NFE2L3: variants seen among roughly 807,000 people sequenced by gnomAD.
NFE2L3 encodes NFE2 like bZIP transcription factor 3, also known as nuclear factor erythroid 2-related factor 3.
In NFE2L3, 18 loss-of-function variants were observed where a neutral mutation model predicts 23.5. The observed-to-expected ratio is 0.77, with a 90% CI of 0.53 to 1.13. The LOEUF (loss-of-function observed/expected upper bound fraction) is 1.13, where lower values mean the gene tolerates loss of function less well. Among genes scored for constraint, NFE2L3 ranks in the 50% most tolerant of loss-of-function variants. NFE2L3 has a pLI of 0.00. For synonymous variants in NFE2L3, 424 were observed against 354.5 expected, an observed-to-expected ratio of 1.20 and a Z score of -2.20; for missense variants, 1,152 against 877.2, an observed-to-expected ratio of 1.31 and a Z score of -3.96.
At position 26,184,642 on chromosome 7, in the gene NFE2L3, T is replaced by C. The variant is rs912776920; in HGVS notation, c.944T>C (p.Leu315Pro). 1.2e-6 allele frequency: 2 copies of C among 1,613,938 alleles called. No individual in the cohort carries two copies. The highest frequency in any genetic ancestry group is 2.2e-5 in the East Asian group (1 of 44,866). ...FSQAISQDVN[L>P]HEAILLCPNN... ...CAGGCTATAAGTCAGGATGTGAATC[T>C]TCATGAGGCCATCTTGCTTTGTCCC... is the stretch of plus-strand genomic sequence containing the variant. The change falls in exon 4 of 4, where the codon CTT becomes CCT. Residue 315 changes from leucine (L) to proline (P), a missense_variant. Physicochemically the swap from Leu to Pro is moderately conservative, Grantham distance 98 (BLOSUM62 -3). Transcript: ENST00000056233.
In NFE2L3 at chr7:26,186,596, A is replaced by G. The variant is rs565234582; in HGVS notation, c.*813A>G. On this transcript the variant is annotated 3_prime_UTR_variant, in exon 4 of 4. Coordinates refer to ENST00000056233, the MANE Select transcript of NFE2L3 (RefSeq NM_004289.7). ...GAGACAGAATGGGCTACTTGCAAAA[A>G]CGTAACTCCTTGTGTGTATATTAAA... 1 of 152,314 alleles carries G rather than the reference A, an allele frequency of 6.6e-6. No homozygotes were observed. Among genetic ancestry groups the G allele is most frequent in the East Asian group, 1.9e-4 (1 of 5,188 alleles). The allele number at this position is 152,314 out of a possible 1,614,324, so 9.4% of individuals were successfully genotyped here.
At chr7:26,175,433 C>T (rs1784386634) in intron 1 of NFE2L3, among the ~76,000 whole-genome samples, 1 of 152,170 alleles carries the variant, frequency 6.6e-6, no homozygotes, top group Admixed American at 6.5e-5. Flanking sequence ...GAAGTAAACT[C>T]TTTCCCACCC....
In NFE2L3 at chr7:26,177,844, T is replaced by TTAGC. The variant is rs1178022502; in HGVS notation, c.571-97_571-94dup. ...ATACTGAAATATTGAAATGCCGGTCTTAGCTTTTGACTTGTGGGTTTTCAT... is the reference window on the plus strand; with the variant it reads ...ATACTGAAATATTGAAATGCCGGTCTTAGCTAGCTTTTGACTTGTGGGTTTTCAT... On this transcript the variant is annotated intron_variant, in intron 1 of 3. Coordinates refer to ENST00000056233, the MANE Select transcript of NFE2L3 (RefSeq NM_004289.7). The TTAGC allele has an allele frequency of 1.3e-5, 13 of 1,024,826 alleles. No individual in the cohort carries two copies. The African/African-American group carries it at 1.9e-4, about 15-fold the overall frequency. The allele number at this position is 1,024,826 out of a possible 1,614,324, so 63.5% of individuals were successfully genotyped here.
chr7:26,183,967 G>A (rs1206835675), intron 3 of NFE2L3, 183 bp downstream of exon 3: 2 of 535,694 alleles, frequency 3.7e-6, no homozygotes, highest in Non-Finnish European at 6.6e-6. Flanking sequence ...AATCCCAAAG[G>A]TATAATCAAA....
In NFE2L3 at chr7:26,181,767, C is replaced by T. The variant is rs1157019018; in HGVS notation, c.751-1934C>T. Among the ~76,000 whole-genome samples, 4 of 151,938 alleles carry T rather than the reference C, an allele frequency of 2.6e-5. No individual in the cohort carries two copies. In the East Asian group the frequency reaches 5.8e-4, roughly 22 times the overall value. ...AGGAACAGAATCTATAAGGCAAGAACAGACTATCATGAAAAAAGAAAAAGA... is the reference window on the plus strand; with the variant it reads ...AGGAACAGAATCTATAAGGCAAGAATAGACTATCATGAAAAAAGAAAAAGA... On this transcript the variant is annotated intron_variant, in intron 2 of 3. Transcript: ENST00000056233.
At chr7:26,167,830 C>G (rs1249205334) in intron 1 of NFE2L3, among the ~76,000 whole-genome samples, 1 of 152,182 alleles carries the variant, frequency 6.6e-6, no homozygotes, top group Admixed American at 6.5e-5. Context: ...AATTGCAAAT[C>G]TTCAGAATCA....
intron 1 of NFE2L3, among the ~76,000 whole-genome samples, chr7:26,160,991 G>A (rs1160029865): frequency 6.6e-6 from 1 of 152,206 alleles, no homozygotes; most frequent in East Asian, 1.9e-4. Flanking sequence ...GTAATAGATC[G>A]TCAACAGATG....
chr7:26,174,995 T>C lies in NFE2L3; in HGVS notation c.571-2948T>C, dbSNP rs1011260820. ...AAGTAAATTAAGGTAGAAGGACTTA[T>C]CTGGGTAAATAAGTATAGATCTGTG... On this transcript the variant is annotated intron_variant, in intron 1 of 3. Coordinates refer to ENST00000056233, the MANE Select transcript of NFE2L3 (RefSeq NM_004289.7). 4 of 152,192 alleles carry C rather than the reference T, an allele frequency of 2.6e-5. No homozygotes were observed. The East Asian group carries it at 5.8e-4, about 22-fold the overall frequency. 9.4% of individuals were successfully genotyped at this position (152,192 alleles called of 1,614,324 possible).
At chr7:26,176,512 C>T (rs1026846038) in intron 1 of NFE2L3, among the ~76,000 whole-genome samples, 192 of 96,952 alleles carry the variant, frequency 2.0e-3, no homozygotes, top group East Asian at 7.2e-3. Context: ...AGACGATGGG[C>T]AGCCGGGCAG....
chr7:26,173,476 C>T (rs1009792252), intron 1 of NFE2L3: 3 of 152,068 alleles, frequency 2.0e-5, no homozygotes, highest in East Asian at 1.9e-4. Context: ...CATTTGATTT[C>T]GAGATTAGAA....
intron 1 of NFE2L3, among the ~76,000 whole-genome samples, chr7:26,171,485 G>A (rs1424741498): frequency 1.3e-5 from 2 of 151,708 alleles, no homozygotes; most frequent in African/African-American, 2.4e-5. Flanking sequence ...TGGAGGTTGC[G>A]GTGAGCTGAG....
At chr7:26,167,156 T>C (rs921356346) in intron 1 of NFE2L3, among the ~76,000 whole-genome samples, 1 of 152,204 alleles carries the variant, frequency 6.6e-6, no homozygotes, top group African/African-American at 2.4e-5. Flanking sequence ...GCAAGACTCT[T>C]CTGCTCTGCT....
chr7:26,185,822 A>G lies in NFE2L3; in HGVS notation c.*39A>G. 6.7e-7 allele frequency: 1 copy of G among 1,489,586 alleles called. No individual in the cohort carries two copies. Among genetic ancestry groups the G allele is most frequent in the South Asian group, 1.3e-5 (1 of 76,410 alleles). The allele number at this position is 1,489,586 out of a possible 1,614,324, so 92.3% of individuals were successfully genotyped here. ...ATGGACTCTATTATGTGAAGTAGTA[A>G]TGTTCAGAAACTGATTATTTGGATC... On this transcript the variant is annotated 3_prime_UTR_variant, in exon 4 of 4. Transcript: ENST00000056233.
chr7:26,184,280 T>C (rs774441906), intron 3 of NFE2L3: 4 of 440,510 alleles, frequency 9.1e-6, no homozygotes, highest in East Asian at 4.0e-5. Flanking sequence ...CATTAGACTT[T>C]TTAAGAAAAT....
chr7:26,156,512 A>C (rs1332731328), intron 1 of NFE2L3, among the ~76,000 whole-genome samples: 2 of 152,134 alleles, frequency 1.3e-5, no homozygotes, highest in Non-Finnish European at 2.9e-5. Flanking sequence ...CATGATCTGA[A>C]AACTGACTCT....
chr7:26,185,508 T>G lies in NFE2L3; in HGVS notation c.1810T>G (p.Leu604Val). The G allele has an allele frequency of 1.9e-6, 3 of 1,613,922 alleles. No individual in the cohort carries two copies. The highest frequency in any genetic ancestry group is 2.5e-6 in the Non-Finnish European group (3 of 1,179,856). Residue 604 changes from leucine (L) to valine (V), a missense_variant, in exon 4 of 4, where the codon TTG becomes GTG. Leu to Val is a conservative substitution (Grantham distance 32, BLOSUM62 1). Transcript: ENST00000056233. ...NCRKRKLDII[L>V]NLEDDVCNLQ... ...TCGTAAACGCAAATTGGACATAATT[T>G]TGAATTTAGAAGATGATGTATGTAA... is the stretch of plus-strand genomic sequence containing the variant.
chr7:26,163,724 G>T (rs1265048674), intron 1 of NFE2L3, among the ~76,000 whole-genome samples: 2 of 152,170 alleles, frequency 1.3e-5, no homozygotes, highest in African/African-American at 4.8e-5. Context: ...TGTTACATAT[G>T]TATACATGTG....
At chr7:26,153,254 G>T (rs902675623) in intron 1 of NFE2L3, among the ~76,000 whole-genome samples, 186 bp downstream of exon 1, 4 of 152,250 alleles carry the variant, frequency 2.6e-5, no homozygotes, top group Non-Finnish European at 5.9e-5. Flanking sequence ...TGTCGCTGTG[G>T]TTTTTAGGTG....
At position 26,186,626 on chromosome 7, in the gene NFE2L3, T is replaced by TAA. The variant is rs761646245; in HGVS notation, c.*846_*847dup. On this transcript the variant is annotated 3_prime_UTR_variant, in exon 4 of 4. Transcript: ENST00000056233. ...ACTCCTTGTGTGTATATTAAATCCA[T>TAA]AAAATCTCTGGCAGTAAAGCCAGCC... 10 of 152,152 alleles carry TAA rather than the reference T, an allele frequency of 6.6e-5. No homozygotes were observed. Among genetic ancestry groups the TAA allele is most frequent in the Non-Finnish European group, 1.3e-4 (9 of 68,030 alleles). The allele number at this position is 152,152 out of a possible 1,614,324, so 9.4% of individuals were successfully genotyped here. A position where few individuals can be genotyped will look rare whatever the true frequency, so the allele number is the denominator to read the frequency against.
Sources: allele counts gnomAD v4.1 joint callset (sites outside exome capture counted in the v4.1 genomes callset), GRCh38; gene constraint gnomAD v4.1.1; transcripts MANE v1.5; gene names NCBI Gene and HGNC (gene_info 2026-07-23, HGNC 2026-07-21).